Variants in DNAH7 observed in about 807,000 individuals in gnomAD.
DNAH7 encodes dynein axonemal heavy chain 7.
A neutral mutation model predicts 444.6 loss-of-function variants in DNAH7; 397 were observed. The observed-to-expected ratio is 0.89, with a 90% CI of 0.82 to 0.97. The LOEUF (loss-of-function observed/expected upper bound fraction) is 0.97, where lower values mean the gene tolerates loss of function less well. Ranked by LOEUF, DNAH7 falls within the 50% of genes least tolerant of loss-of-function variation. The pLI is 0.00. For synonymous variants in DNAH7, 1,636 were observed against 1,624.4 expected, an observed-to-expected ratio of 1.01 and a Z score of -0.17; for missense variants, 4,902 against 4,800.8, an observed-to-expected ratio of 1.02 and a Z score of -0.62.
intron 5 of DNAH7, among the ~76,000 whole-genome samples, chr2:196,035,312 A>G (rs1696317900): frequency 6.6e-6 from 1 of 152,266 alleles, no homozygotes; most frequent in South Asian, 2.1e-4. Flanking sequence ...TATTTTAACA[A>G]AATGTGAAAC....
chr2:196,028,372 T>C (rs1695822617), intron 5 of DNAH7, among the ~76,000 whole-genome samples: 1 of 152,190 alleles, frequency 6.6e-6, no homozygotes, highest in Non-Finnish European at 1.5e-5. Flanking sequence ...TCTTGCATTA[T>C]TCCTAAAATA....
In DNAH7 at chr2:196,024,496, C is replaced by T. The variant is rs756273227; in HGVS notation, c.676G>A (p.Val226Ile). The part of the protein sequence containing the change: ...LSVRKSIVDF[V>I]LKDPREKGDD... The stretch of plus-strand genomic sequence containing the variant: ...CCTTTCTCTCGAGGATCTTTTAAAA[C>T]AAAATCAACTAAAAGAAAATTTTAA... The change falls in exon 8 of 65, where the codon GTT (valine) becomes ATT (isoleucine). Residue 226 changes from valine (V) to isoleucine (I), a missense_variant. By Grantham distance (29) the Val-to-Ile change is conservative (BLOSUM62 3). Transcript: ENST00000312428. 31 of 1,568,630 alleles carry T rather than the reference C, an allele frequency of 2.0e-5. No homozygotes were observed. The highest frequency in any genetic ancestry group is 2.5e-5 in the Non-Finnish European group (29 of 1,159,408).
At chr2:195,947,279 G>C (rs1194873071) in intron 19 of DNAH7, among the ~76,000 whole-genome samples, 2 of 151,712 alleles carry the variant, frequency 1.3e-5, no homozygotes, top group Non-Finnish European at 2.9e-5. Context: ...ACAGGCGTGA[G>C]CCACATGTCT....
intron 19 of DNAH7, among the ~76,000 whole-genome samples, chr2:195,947,545 T>G (rs1162409270): frequency 6.6e-6 from 1 of 152,114 alleles, no homozygotes; most frequent in Admixed American, 6.6e-5. Context: ...CATGTAGTGT[T>G]TGGTTTTCTG....
chr2:196,020,617 T>TG (rs943315765), intron 8 of DNAH7, among the ~76,000 whole-genome samples: 3 of 150,858 alleles, frequency 2.0e-5, no homozygotes, highest in African/African-American at 7.3e-5. Context: ...CTTTTGTTTT[T>TG]TTTTTTTTTT....
At chr2:195,963,475 A>G (rs1375075772) in intron 17 of DNAH7, among the ~76,000 whole-genome samples, 1 of 152,170 alleles carries the variant, frequency 6.6e-6, no homozygotes, top group Non-Finnish European at 1.5e-5. Flanking sequence ...ATTTTCCAAC[A>G]GAGTTGTATG....
intron 54 of DNAH7, among the ~76,000 whole-genome samples, chr2:195,806,232 T>C (rs1696703197): frequency 6.6e-6 from 1 of 152,206 alleles, no homozygotes; most frequent in African/African-American, 2.4e-5. Context: ...ACAGGTCTGC[T>C]GATTCACTGG....
chr2:196,027,990 C>T lies in DNAH7; in HGVS notation c.456G>A (p.Pro152=), dbSNP rs373314651. The part of the protein sequence containing the change: ...AVPDGSTIPK[P]TASAIEKDIL... ...TGTCTTTCTCTATAGCAGAAGCGGT[C>T]GGTTTTGGAATTGTGCTTCCATCAG... Residue 152 remains proline, a synonymous_variant, in exon 6 of 65, where the codon CCG becomes CCA. Transcript: ENST00000312428. 5.2e-5 allele frequency: 84 copies of T among 1,611,764 alleles called. No homozygotes were observed. Among genetic ancestry groups the T allele is most frequent in the Non-Finnish European group, 6.7e-5 (79 of 1,178,786 alleles).
intron 10 of DNAH7, among the ~76,000 whole-genome samples, chr2:196,006,817 G>GA (rs1480740642): frequency 1.3e-5 from 2 of 151,688 alleles, no homozygotes; most frequent in East Asian, 3.9e-4. Flanking sequence ...AGAATACTTA[G>GA]AAAAAAATTA....
At chr2:195,786,977 T>C (rs201439331) in intron 58 of DNAH7, 33 bp downstream of exon 58, 56 of 1,530,054 alleles carry the variant, frequency 3.7e-5, no homozygotes, top group Middle Eastern at 1.8e-4. Flanking sequence ...AAGAGCAACA[T>C]AGGTAATGTC....
intron 18 of DNAH7, 65 bp downstream of exon 18, chr2:195,960,194 CT>C (rs1690988631): frequency 7.6e-7 from 1 of 1,323,706 alleles, no homozygotes; most frequent in African/African-American, 1.5e-5. Flanking sequence ...CTCAAAAGAA[CT>C]TTACATTAAA....
intron 24 of DNAH7, among the ~76,000 whole-genome samples, chr2:195,911,836 T>C (rs907750441): frequency 1.3e-5 from 2 of 152,126 alleles, no homozygotes; most frequent in East Asian, 1.9e-4. Flanking sequence ...CTGGAACAAT[T>C]ACTAGAAGAC....
At chr2:195,740,955 C>G in intron 63 of DNAH7, 86 bp from the exon 64 acceptor site, 1 of 679,856 alleles carries the variant, frequency 1.5e-6, no homozygotes, top group Non-Finnish European at 2.2e-6. Flanking sequence ...CATGTAAGTA[C>G]TATGCAGGTG....
intron 12 of DNAH7, among the ~76,000 whole-genome samples, chr2:195,999,766 A>T (rs558176939): frequency 1.7e-4 from 26 of 152,326 alleles, no homozygotes; most frequent in Admixed American, 3.9e-4. Flanking sequence ...AATGAAAAGG[A>T]TATCCTCAAA....
intron 41 of DNAH7, among the ~76,000 whole-genome samples, chr2:195,863,756 T>G (rs1399505733): frequency 2.0e-5 from 3 of 152,186 alleles, no homozygotes; most frequent in Admixed American, 1.3e-4. Flanking sequence ...ATAGTAACAC[T>G]TCCTGCTATT....
At position 196,051,256 on chromosome 2, in the gene DNAH7, GA is replaced by G; in HGVS notation, c.79-8del. The G allele has an allele frequency of 1.2e-6, 2 of 1,612,814 alleles. No individual in the cohort carries two copies. The highest frequency in any genetic ancestry group is 8.5e-7 in the Non-Finnish European group (1 of 1,179,006). On this transcript the variant is annotated splice_region_variant and splice_polypyrimidine_tract_variant and intron_variant, in intron 2 of 64. Coordinates refer to ENST00000312428, the MANE Select transcript of DNAH7 (RefSeq NM_018897.3). ...CTTTGCTGGCTAATTTCTCCTGTGT[GA>G]AAAATATGAAGGGGAAAAAAGTGTT... is the stretch of plus-strand genomic sequence containing the variant.
Position 195,987,160 on chromosome 2 carries a change from C to A in DNAH7, c.1660G>T (p.Glu554Ter). 1.2e-6 allele frequency: 2 copies of A among 1,604,042 alleles called. No individual in the cohort carries two copies. The highest frequency in any genetic ancestry group is 1.7e-6 in the Non-Finnish European group (2 of 1,175,712). ...TTCACCAAAGCTCTGATTAATTCCT[C>A]ACAGTGCATTTCAAACATTCCTAAA... ...IRLGMFEMHCEELIRALVKRA... is the reference protein window; with the variant it reads ...IRLGMFEMHC Residue 554 changes from glutamate (E) to a stop codon, truncating the protein, a stop_gained, in exon 14 of 65, where the codon GAG becomes TAG. Coordinates refer to ENST00000312428, the MANE Select transcript of DNAH7 (RefSeq NM_018897.3). LOFTEE classifies it high-confidence loss of function.
In DNAH7 at chr2:195,824,254, C is replaced by T; in HGVS notation, c.9291+1G>A. Reference sequence around the variant, plus strand: ...AAGAAACATTCATTTTATATACTGGCCTTTACTGATGTTTCAGGAAGATAA... The same window carrying T: ...AAGAAACATTCATTTTATATACTGGTCTTTACTGATGTTTCAGGAAGATAA... On this transcript the variant is annotated splice_donor_variant, in intron 49 of 64. Transcript: ENST00000312428. LOFTEE classifies it high-confidence loss of function. 1 of 1,609,292 alleles carries T rather than the reference C, an allele frequency of 6.2e-7. No individual in the cohort carries two copies.
At position 195,934,613 on chromosome 2, in the gene DNAH7, A is replaced by G. The variant is rs1688924693; in HGVS notation, c.3449T>C (p.Val1150Ala). Residue 1150 changes from valine (V) to alanine (A), a missense_variant, in exon 21 of 65, where the codon GTT becomes GCT. By Grantham distance (64) the Val-to-Ala change is moderately conservative. Transcript: ENST00000312428. ...TACCTTGTGGATGGAGTTAATCATAACTCTCTCTAATTCAACCAACCACTT... is the reference window on the plus strand; with the variant it reads ...TACCTTGTGGATGGAGTTAATCATAGCTCTCTCTAATTCAACCAACCACTT... ...VEKWLVELER[V>A]MINSIHKVTG... 1 of 1,613,880 alleles carries G rather than the reference A, an allele frequency of 6.2e-7. No homozygotes were observed. The highest frequency in any genetic ancestry group is 1.3e-5 in the African/African-American group (1 of 74,906).
Sources: allele counts gnomAD v4.1 joint callset (sites outside exome capture counted in the v4.1 genomes callset), GRCh38; gene constraint gnomAD v4.1.1; transcripts MANE v1.5; gene names NCBI Gene and HGNC (gene_info 2026-07-23, HGNC 2026-07-21).